The following MB21D2 variants were observed in gnomAD, a reference collection of about 807,000 sequenced individuals.
MB21D2 encodes Mab-21 domain containing 2, also known as nucleotidyltransferase MB21D2.
MB21D2 carries 9 observed loss-of-function variants against 33.3 expected under a neutral mutation model. The observed-to-expected ratio is 0.27, with a 90% confidence interval of 0.16 to 0.47. The LOEUF is 0.47. Ranked by LOEUF, MB21D2 falls within the 20% of genes least tolerant of loss-of-function variation. The probability of loss-of-function intolerance (pLI) is 0.99; values close to 1 mark genes in which losing one functional copy is unlikely to be tolerated. For synonymous variants in MB21D2, 241 were observed against 236.3 expected, an observed-to-expected ratio of 1.02 and a Z score of -0.18; for missense variants, 540 against 624.6, an observed-to-expected ratio of 0.86 and a Z score of 1.44.
intron 1 of MB21D2, among the ~76,000 whole-genome samples, chr3:192,906,979 G>A (rs1230739475): frequency 6.6e-6 from 1 of 152,154 alleles, no homozygotes; most frequent in Non-Finnish European, 1.5e-5. Context: ...CTTGCGTTAA[G>A]GAAAAAATAT....
intron 1 of MB21D2, among the ~76,000 whole-genome samples, chr3:192,822,107 G>A (rs1001636337): frequency 1.3e-5 from 2 of 149,690 alleles, no homozygotes; most frequent in African/African-American, 2.5e-5. Flanking sequence ...AAATGTGAGG[G>A]AGCTATTATT....
At chr3:192,896,819 G>A (rs1560254197) in intron 1 of MB21D2, among the ~76,000 whole-genome samples, 1 of 152,174 alleles carries the variant, frequency 6.6e-6, no homozygotes, top group South Asian at 2.1e-4. Flanking sequence ...TCCAGCGTTG[G>A]TGTGTCTTGG....
intron 1 of MB21D2, among the ~76,000 whole-genome samples, chr3:192,816,669 C>A (rs1331981126): frequency 6.6e-6 from 1 of 152,180 alleles, no homozygotes; most frequent in Non-Finnish European, 1.5e-5. Flanking sequence ...TGGGATGTCA[C>A]ATCGTCGTTG....
chr3:192,860,632 C>G (rs1159070865), intron 1 of MB21D2, among the ~76,000 whole-genome samples: 1 of 152,298 alleles, frequency 6.6e-6, no homozygotes, highest in African/African-American at 2.4e-5. Flanking sequence ...TATGCAGAGA[C>G]AGTCTGCACA....
chr3:192,803,739 G>C (rs967851656), intron 1 of MB21D2, among the ~76,000 whole-genome samples: 3 of 152,168 alleles, frequency 2.0e-5, no homozygotes, highest in Non-Finnish European at 4.4e-5. Context: ...TTTGGCTGTA[G>C]GGATCAGTTC....
At chr3:192,831,159 T>C (rs1276897150) in intron 1 of MB21D2, among the ~76,000 whole-genome samples, 6 of 152,154 alleles carry the variant, frequency 3.9e-5, no homozygotes, top group Non-Finnish European at 7.4e-5. Flanking sequence ...GTTCCTTGGA[T>C]CACATGCTTG....
chr3:192,873,956 G>A (rs954820330), intron 1 of MB21D2, among the ~76,000 whole-genome samples: 27 of 152,070 alleles, frequency 1.8e-4, no homozygotes, highest in East Asian at 3.9e-4. Flanking sequence ...CGCCTTGGCC[G>A]ACCAAAGTGC....
At chr3:192,884,647 G>C (rs184398959) in intron 1 of MB21D2, among the ~76,000 whole-genome samples, 1 of 152,118 alleles carries the variant, frequency 6.6e-6, no homozygotes, top group Non-Finnish European at 1.5e-5. Flanking sequence ...CATTACAGGC[G>C]TGAGCCATCG....
At chr3:192,873,154 T>A in intron 1 of MB21D2, among the ~76,000 whole-genome samples, 1 of 152,130 alleles carries the variant, frequency 6.6e-6, no homozygotes, top group East Asian at 1.9e-4. Context: ...CCTGGCTCTA[T>A]CTGCCTCCCT....
At chr3:192,869,050 G>A (rs1386758742) in intron 1 of MB21D2, among the ~76,000 whole-genome samples, 1 of 152,152 alleles carries the variant, frequency 6.6e-6, no homozygotes, top group African/African-American at 2.4e-5. Flanking sequence ...GAGGTCAGGA[G>A]TTCGAGACCA....
chr3:192,837,405 C>T (rs1712464531), intron 1 of MB21D2, among the ~76,000 whole-genome samples: 1 of 152,146 alleles, frequency 6.6e-6, no homozygotes, highest in African/African-American at 2.4e-5. Context: ...CTGAACAGGC[C>T]ATCCTCCACC....
chr3:192,912,137 C>T (rs1714371237), intron 1 of MB21D2, among the ~76,000 whole-genome samples: 1 of 152,146 alleles, frequency 6.6e-6, no homozygotes, highest in African/African-American at 2.4e-5. Flanking sequence ...GGCCACATGG[C>T]ACTTATTGGC....
intron 1 of MB21D2, among the ~76,000 whole-genome samples, chr3:192,870,052 A>T (rs1175517516): frequency 6.6e-6 from 1 of 152,256 alleles, no homozygotes; most frequent in Non-Finnish European, 1.5e-5. Flanking sequence ...AATAAGGCTA[A>T]TAATTATCAT....
chr3:192,824,492 AAAATAAATAAATAAAT>A (rs61642372), intron 1 of MB21D2, among the ~76,000 whole-genome samples: 11 of 147,508 alleles, frequency 7.5e-5, no homozygotes, highest in African/African-American at 1.0e-4. Context: ...CTGATTTCTG[AAAATAAATAAATAAAT>A]AAATAAATAA....
intron 1 of MB21D2, among the ~76,000 whole-genome samples, chr3:192,830,177 A>G (rs1712281505): frequency 6.6e-6 from 1 of 152,112 alleles, no homozygotes; most frequent in Non-Finnish European, 1.5e-5. Flanking sequence ...TTCAAAAAAT[A>G]TATTATGAAC....
In MB21D2 at chr3:192,798,879, C is replaced by T. The variant is rs770172641; in HGVS notation, c.983G>A (p.Ser328Asn). 4.3e-6 allele frequency: 7 copies of T among 1,613,366 alleles called. No individual in the cohort carries two copies. The African/African-American group carries it at 9.3e-5, about 22-fold the overall frequency. ...IKLLSRPKAI[S>N]PYHLRSMMLW... Reference sequence around the variant, plus strand: ...CATCATGCTCCGCAGGTGATAGGGGCTAATAGCCTTGGGCCGGGACAGCAG... The same window carrying T: ...CATCATGCTCCGCAGGTGATAGGGGTTAATAGCCTTGGGCCGGGACAGCAG... The change falls in exon 2 of 2, where the codon AGC becomes AAC. Residue 328 changes from serine to asparagine, a missense_variant. Coordinates refer to ENST00000392452, the MANE Select transcript of MB21D2 (RefSeq NM_178496.4). The surrounding 1 kb of genome is among the most constrained non-coding windows in gnomAD (Gnocchi z 4.8).
chr3:192,840,616 C>T (rs57628932), intron 1 of MB21D2, among the ~76,000 whole-genome samples: 10,805 of 151,700 alleles, frequency 0.071, 1,284 homozygotes, highest in African/African-American at 0.25. Context: ...GAAAGTTTCT[C>T]GTGGTGGGAG....
At chr3:192,842,311 C>G (rs1009182322) in intron 1 of MB21D2, among the ~76,000 whole-genome samples, 3 of 152,220 alleles carry the variant, frequency 2.0e-5, no homozygotes. Context: ...TTTCTAACCA[C>G]TCACTTGGTC....
intron 1 of MB21D2, among the ~76,000 whole-genome samples, chr3:192,822,417 A>G (rs550717451): frequency 6.6e-6 from 1 of 152,318 alleles, no homozygotes; most frequent in East Asian, 1.9e-4. Flanking sequence ...CATTAATAGT[A>G]TAGGAACTCA....
Sources: allele counts gnomAD v4.1 joint callset (sites outside exome capture counted in the v4.1 genomes callset), GRCh38; gene constraint gnomAD v4.1.1; non-coding constraint Gnocchi (gnomAD v3.1); transcripts MANE v1.5; gene names NCBI Gene and HGNC (gene_info 2026-07-23, HGNC 2026-07-21).